The following ZNF385D variants were observed in gnomAD, a reference collection of about 807,000 sequenced individuals.
ZNF385D encodes the protein zinc finger protein 659.
In ZNF385D, 15 loss-of-function variants were observed where a neutral mutation model predicts 35.8. The ratio of observed to expected loss-of-function variants is 0.42; its 90% confidence interval spans 0.28 to 0.64. The LOEUF (loss-of-function observed/expected upper bound fraction) is 0.64, where lower values mean the gene tolerates loss of function less well. ZNF385D is among the 30% of genes least tolerant of loss of function. The pLI is 0.23. For missense variants in ZNF385D, 474 were observed against 494.6 expected (o/e 0.96, Z 0.39); for synonymous variants, 212 against 186.8 (o/e 1.13, Z -1.10).
At chr3:21,912,651 A>G (rs1479178814) in intron 3 of ZNF385D, among the ~76,000 whole-genome samples, 1 of 152,084 alleles carries the variant, frequency 6.6e-6, no homozygotes, top group African/African-American at 2.4e-5. Context: ...GGGATTGTAT[A>G]TATCCAGTGG....
rs746508021 is a variant in ZNF385D at position 21,421,252 on chromosome 3, G to T, written c.1150C>A (p.Arg384=). 1 of 1,614,050 alleles carries T rather than the reference G, an allele frequency of 6.2e-7. No homozygotes were observed. The highest frequency in any genetic ancestry group is 1.7e-5 in the Admixed American group (1 of 60,010). ...ALLRPAPGPI[R]TAHTPVLFAP... ...AACAGCACAGGAGTGTGGGCGGTCC[G>T]AATGGGTCCAGGAGCTGGCCGCAGG... Residue 384 remains arginine, a synonymous_variant, in exon 8 of 8, where the codon CGG becomes AGG. Transcript: ENST00000281523.
intron 2 of ZNF385D, among the ~76,000 whole-genome samples, chr3:22,226,051 C>T (rs1400635839): frequency 6.6e-6 from 1 of 151,968 alleles, no homozygotes; most frequent in East Asian, 1.9e-4. Context: ...ACTGTACCTT[C>T]ACTGTAGGAC....
chr3:21,613,182 T>C (rs1382660289), intron 2 of ZNF385D, among the ~76,000 whole-genome samples: 6 of 152,006 alleles, frequency 3.9e-5, no homozygotes, highest in East Asian at 1.9e-4. Flanking sequence ...ATCAAACTTA[T>C]ACAGGAAAGT....
chr3:21,697,748 A>G (rs1218260345), intron 1 of ZNF385D, among the ~76,000 whole-genome samples: 1 of 152,148 alleles, frequency 6.6e-6, no homozygotes, highest in Non-Finnish European at 1.5e-5. Flanking sequence ...ACAAACTCAA[A>G]TAACTCAACA....
chr3:22,336,744 A>G (rs2125470097), intron 2 of ZNF385D, among the ~76,000 whole-genome samples: 1 of 151,842 alleles, frequency 6.6e-6, no homozygotes, highest in South Asian at 2.1e-4. Context: ...GGCATATTTT[A>G]TACCAAATTT....
intron 3 of ZNF385D, among the ~76,000 whole-genome samples, chr3:22,024,978 G>T (rs930253548): frequency 6.6e-6 from 1 of 152,124 alleles, no homozygotes; most frequent in Non-Finnish European, 1.5e-5. Context: ...CATGCAAGTG[G>T]CTGACCTGAA....
chr3:22,280,869 C>T (rs1701703749), intron 2 of ZNF385D, among the ~76,000 whole-genome samples: 1 of 151,432 alleles, frequency 6.6e-6, no homozygotes, highest in Non-Finnish European at 1.5e-5. Flanking sequence ...TGGTCATTTT[C>T]ACGTATTTCC....
At chr3:22,246,696 G>A (rs1288314244) in intron 2 of ZNF385D, among the ~76,000 whole-genome samples, 1 of 152,082 alleles carries the variant, frequency 6.6e-6, no homozygotes, top group Non-Finnish European at 1.5e-5. Context: ...AGGAGGGAAA[G>A]ATTATTGCAT....
intron 2 of ZNF385D, among the ~76,000 whole-genome samples, chr3:22,266,704 A>G (rs376251617): frequency 6.6e-6 from 1 of 151,858 alleles, no homozygotes; most frequent in Admixed American, 6.6e-5. Context: ...AGCTTGCTAT[A>G]TATTTATATT....
At chr3:21,783,441 C>T (rs569517381) in intron 3 of ZNF385D, among the ~76,000 whole-genome samples, 3 of 152,248 alleles carry the variant, frequency 2.0e-5, no homozygotes, top group East Asian at 1.9e-4. Flanking sequence ...CCTACGAAGA[C>T]ATTTAAATGC....
intron 3 of ZNF385D, among the ~76,000 whole-genome samples, chr3:21,915,205 A>G (rs1031184635): frequency 8.5e-5 from 13 of 152,072 alleles, no homozygotes; most frequent in Non-Finnish European, 1.3e-4. Flanking sequence ...GATTAGATAC[A>G]TATTTTTAGA....
At chr3:22,092,593 G>T (rs910857044) in intron 3 of ZNF385D, among the ~76,000 whole-genome samples, 1 of 152,108 alleles carries the variant, frequency 6.6e-6, no homozygotes, top group African/African-American at 2.4e-5. Context: ...TGTGGAAGCT[G>T]GTTCCAGACC....
At chr3:21,819,277 A>G (rs1490092852) in intron 3 of ZNF385D, among the ~76,000 whole-genome samples, 11 of 151,892 alleles carry the variant, frequency 7.2e-5, no homozygotes, top group Admixed American at 7.2e-4. Context: ...ATTAATCACA[A>G]TCAATGTAAA....
At chr3:21,611,518 C>T (rs907569014) in intron 2 of ZNF385D, among the ~76,000 whole-genome samples, 1 of 152,196 alleles carries the variant, frequency 6.6e-6, no homozygotes, top group African/African-American at 2.4e-5. Flanking sequence ...CTGATCTTCA[C>T]TTTATTTTCT....
chr3:22,219,331 G>T (rs1698100345), intron 2 of ZNF385D, among the ~76,000 whole-genome samples: 1 of 151,954 alleles, frequency 6.6e-6, no homozygotes, highest in East Asian at 1.9e-4. Context: ...TATGTATTAA[G>T]AGTATCCTAA....
chr3:22,279,617 T>C (rs1305674519), intron 2 of ZNF385D, among the ~76,000 whole-genome samples: 3 of 125,562 alleles, frequency 2.4e-5, no homozygotes, highest in Non-Finnish European at 5.0e-5. Context: ...TACATATACA[T>C]ATATGTATAT....
chr3:21,484,864 G>C (rs906464439), intron 4 of ZNF385D, among the ~76,000 whole-genome samples: 1 of 152,144 alleles, frequency 6.6e-6, no homozygotes, highest in Non-Finnish European at 1.5e-5. Flanking sequence ...GAACCCATTG[G>C]TACTTCTAGC....
In ZNF385D at chr3:21,420,228, A is replaced by T. The variant is rs1162880681; in HGVS notation, c.*986T>A. ...ATGATATAAAGGGGATACTGCAGAGATGCAACATTCTCCGTTTTTACTGGA... is the reference window on the plus strand; with the variant it reads ...ATGATATAAAGGGGATACTGCAGAGTTGCAACATTCTCCGTTTTTACTGGA... On this transcript the variant is annotated 3_prime_UTR_variant, in exon 8 of 8. Coordinates refer to ENST00000281523, the MANE Select transcript of ZNF385D (RefSeq NM_024697.3). 6.6e-6 allele frequency: 1 copy of T among 152,222 alleles called. No homozygotes were observed. The highest frequency in any genetic ancestry group is 1.5e-5 in the Non-Finnish European group (1 of 68,038). The allele number at this position is 152,222 out of a possible 1,614,324, so 9.4% of individuals were successfully genotyped here.
chr3:21,638,870 A>G (rs1406240263), intron 2 of ZNF385D, among the ~76,000 whole-genome samples: 1 of 152,104 alleles, frequency 6.6e-6, no homozygotes, highest in Non-Finnish European at 1.5e-5. Context: ...TAACATGTGA[A>G]CCCTTTATCT....
Sources: allele counts gnomAD v4.1 joint callset (sites outside exome capture counted in the v4.1 genomes callset), GRCh38; gene constraint gnomAD v4.1.1; transcripts MANE v1.5; gene names NCBI Gene and HGNC (gene_info 2026-07-23, HGNC 2026-07-21).